The following SLC4A4 variants were observed in gnomAD, a reference collection of about 807,000 sequenced individuals.
SLC4A4 encodes solute carrier family 4 member 4, also known as electrogenic sodium bicarbonate cotransporter 1.
A neutral mutation model predicts 111.5 loss-of-function variants in SLC4A4; 27 were observed. The ratio of observed to expected loss-of-function variants is 0.24; its 90% CI spans 0.18 to 0.33. SLC4A4 has a LOEUF of 0.33. Ranked by LOEUF, SLC4A4 falls within the 10% of genes least tolerant of loss-of-function variation. The pLI is 1.00. For synonymous variants in SLC4A4, 443 were observed against 463.4 expected (o/e 0.96, Z 0.57); for missense variants, 909 against 1,315.5 (o/e 0.69, Z 4.78).
intron 3 of SLC4A4, among the ~76,000 whole-genome samples, chr4:71,273,558 T>C (rs1722849391): frequency 6.6e-6 from 1 of 152,214 alleles, no homozygotes; most frequent in African/African-American, 2.4e-5. Context: ...CTCATGACAT[T>C]GTTCTTGATA....
chr4:71,331,871 A>G (rs1003453720), intron 3 of SLC4A4, among the ~76,000 whole-genome samples: 1 of 152,068 alleles, frequency 6.6e-6, no homozygotes. Context: ...TTGTTAGTCT[A>G]TTCAGGTTTT....
intron 2 of SLC4A4, among the ~76,000 whole-genome samples, 195 bp downstream of exon 2, chr4:71,236,844 T>G (rs779562099): frequency 6.6e-6 from 1 of 152,234 alleles, no homozygotes; most frequent in Non-Finnish European, 1.5e-5. Context: ...AAAATCTGAT[T>G]CAATATGGGT....
chr4:71,108,215 T>C (rs891056929), intron 2 of SLC4A4, among the ~76,000 whole-genome samples: 2 of 152,234 alleles, frequency 1.3e-5, no homozygotes, highest in African/African-American at 2.4e-5. Flanking sequence ...ATAGCTTTTA[T>C]CATTTCCCAT....
intron 8 of SLC4A4, among the ~76,000 whole-genome samples, chr4:71,444,303 TG>T (rs1725029348): frequency 6.6e-6 from 1 of 152,220 alleles, no homozygotes; most frequent in Non-Finnish European, 1.5e-5. Context: ...TGGAGAATGC[TG>T]GAGGCATCTT....
At chr4:71,408,881 CAT>C (rs1721108931) in intron 7 of SLC4A4, among the ~76,000 whole-genome samples, 1 of 152,196 alleles carries the variant, frequency 6.6e-6, no homozygotes, top group Non-Finnish European at 1.5e-5. Flanking sequence ...AGAATTCCCA[CAT>C]GTTATGGGAG....
At chr4:71,178,880 A>C (rs1169459127) in intron 2 of SLC4A4, among the ~76,000 whole-genome samples, 1 of 152,200 alleles carries the variant, frequency 6.6e-6, no homozygotes, top group Non-Finnish European at 1.5e-5. Flanking sequence ...CTGATACCAA[A>C]GCCTGGCAGA....
intron 21 of SLC4A4, 60 bp downstream of exon 21, chr4:71,555,268 A>G: frequency 3.6e-6 from 4 of 1,096,154 alleles, no homozygotes; most frequent in Non-Finnish European, 5.6e-6. Flanking sequence ...AGAATAGTCC[A>G]GTAACAGATC....
At chr4:71,357,272 C>T in intron 6 of SLC4A4, 85 bp downstream of exon 6, 1 of 1,372,318 alleles carries the variant, frequency 7.3e-7, no homozygotes, top group Admixed American at 1.7e-5. Flanking sequence ...TGTTTTAACC[C>T]TTCTCCATAT....
intron 16 of SLC4A4, among the ~76,000 whole-genome samples, chr4:71,504,181 G>A (rs187196307): frequency 1.3e-5 from 2 of 152,224 alleles, no homozygotes; most frequent in Admixed American, 1.3e-4. Flanking sequence ...GAGCTTCTTG[G>A]ATCAGGACAT....
In SLC4A4 at chr4:71,397,582, C is replaced by T. The variant is rs1451971658; in HGVS notation, c.736C>T (p.Pro246Ser). The T allele has an allele frequency of 1.2e-6, 2 of 1,613,664 alleles. No homozygotes were observed. The highest frequency in any genetic ancestry group is 1.7e-5 in the Admixed American group (1 of 59,982). The change falls in exon 7 of 26, where the codon CCA (proline) becomes TCA (serine). Residue 246 changes from proline to serine, a missense_variant. Around this residue, in one of 7 missense-constraint regions of SLC4A4, gnomAD observed 312 missense variants for 402.0 expected, o/e 0.78. Coordinates refer to ENST00000264485, the MANE Select transcript of SLC4A4 (RefSeq NM_001098484.3). ...GTTTACTTGTGTTTTTCCAGGTAGC[C>T]CAGCCATGACCCATAGGAATCTGAC... ...RMFTNPDNGS[P>S]AMTHRNLTSS...
intron 2 of SLC4A4, among the ~76,000 whole-genome samples, chr4:71,128,386 T>C (rs921258986): frequency 6.6e-6 from 1 of 152,052 alleles, no homozygotes; most frequent in East Asian, 1.9e-4. Flanking sequence ...GGTCCCCACA[T>C]GTGGGAATTA....
intron 2 of SLC4A4, among the ~76,000 whole-genome samples, chr4:71,096,322 A>G (rs888446287): frequency 2.6e-5 from 4 of 152,168 alleles, no homozygotes; most frequent in Non-Finnish European, 5.9e-5. Flanking sequence ...CCCAGACGGT[A>G]TGTATAGAGA....
intron 4 of SLC4A4, among the ~76,000 whole-genome samples, chr4:71,349,218 A>G (rs1255952723): frequency 6.6e-6 from 1 of 152,224 alleles, no homozygotes; most frequent in Non-Finnish European, 1.5e-5. Flanking sequence ...TTAATAGGAT[A>G]TCTCATATTA....
chr4:71,268,860 C>T lies in SLC4A4; in HGVS notation c.253+13461C>T, dbSNP rs567269839. On this transcript the variant is annotated intron_variant, in intron 3 of 25. Coordinates refer to ENST00000264485, the MANE Select transcript of SLC4A4 (RefSeq NM_001098484.3). ...AGGGCATTCAGGGAACTGACTAAGC[C>T]GCGTTAACTATATGTTGCAAAATGT... 1.9e-4 allele frequency among the ~76,000 whole-genome samples: 29 copies of T among 152,254 alleles called. 1 individual carries two copies. The highest frequency in any genetic ancestry group is 1.7e-3 in the South Asian group (8 of 4,830).
intron 3 of SLC4A4, among the ~76,000 whole-genome samples, chr4:71,323,679 A>G (rs1727290339): frequency 6.6e-6 from 1 of 152,040 alleles, no homozygotes; most frequent in Admixed American, 6.6e-5. Context: ...GTGTCAAAAG[A>G]CGTAATTTGG....
At chr4:71,203,778 G>C (rs1746361366) in intron 1 of SLC4A4, among the ~76,000 whole-genome samples, 1 of 152,164 alleles carries the variant, frequency 6.6e-6, no homozygotes, top group Non-Finnish European at 1.5e-5. Flanking sequence ...TCTTGGGATT[G>C]TTCATCTAAA....
Position 71,077,095 on chromosome 4 carries a change from A to T in SLC4A4, c.-65+14307A>T, listed in dbSNP as rs1195286563. Among the ~76,000 whole-genome samples the T allele has an allele frequency of 1.3e-4, 20 of 148,568 alleles. No individual in the cohort carries two copies. The South Asian group carries it at 2.5e-3, about 19-fold the overall frequency. On this transcript the variant is annotated intron_variant, in intron 1 of 26. Coordinates refer to the SLC4A4 transcript ENST00000649996. ...ATATATACATAAATATATATATATA[A>T]AATAAAATATGTAAGGAGGTTATGT...
intron 2 of SLC4A4, among the ~76,000 whole-genome samples, chr4:71,143,048 G>C (rs1043187824): frequency 2.6e-5 from 4 of 152,016 alleles, no homozygotes; most frequent in Middle Eastern, 3.4e-3. Context: ...GCTGCACCCA[G>C]TAACTCGTCA....
intron 2 of SLC4A4, among the ~76,000 whole-genome samples, chr4:71,129,455 A>C (rs892475306): frequency 1.3e-4 from 20 of 152,248 alleles, no homozygotes; most frequent in African/African-American, 4.8e-4. Flanking sequence ...GTCATTAAAA[A>C]GTCAAAAAAT....
Sources: gnomAD v4.1 joint callset for allele counts (sites outside exome capture counted in the v4.1 genomes callset) on GRCh38, gnomAD v4.1.1 for gene constraint, gnomAD v4.1.1 regional missense constraint, MANE v1.5 for transcripts, NCBI Gene and HGNC (gene_info 2026-07-23, HGNC 2026-07-21) for gene names.